Variants in AP3B2 observed in about 807,000 individuals in gnomAD.
AP3B2 encodes adaptor related protein complex 3 subunit beta 2.
Under a neutral mutation model 126.9 loss-of-function variants are expected in AP3B2, and 50 were observed. That is an observed-to-expected ratio of 0.39 (90% CI 0.31 to 0.50). The LOEUF is 0.50. AP3B2 is among the 20% of genes least tolerant of loss of function. The pLI, the probability that AP3B2 is intolerant of heterozygous loss-of-function variation, is 0.79. For missense variants in AP3B2, 1,177 were observed against 1,426.4 expected (o/e 0.83, Z 2.82); for synonymous variants, 541 against 565.0 (o/e 0.96, Z 0.60).
At chr15:82,690,129 TC>T (rs1376521054) in intron 1 of AP3B2, among the ~76,000 whole-genome samples, 2 of 152,120 alleles carry the variant, frequency 1.3e-5, no homozygotes, top group Non-Finnish European at 2.9e-5. Flanking sequence ...CCTATGGGTT[TC>T]AGAGGGAGCA....
intron 1 of AP3B2, among the ~76,000 whole-genome samples, chr15:82,702,212 C>T (rs1390275306): frequency 6.6e-6 from 1 of 152,162 alleles, no homozygotes. Flanking sequence ...TATCCAGCTA[C>T]CTAATAGGGT....
chr15:82,663,477 C>T (rs1395141658), intron 21 of AP3B2, 83 bp downstream of exon 21: 4 of 1,487,560 alleles, frequency 2.7e-6, no homozygotes, highest in Middle Eastern at 3.6e-4. Flanking sequence ...ACCTGAGGAA[C>T]CCGATCCAGA....
intron 4 of AP3B2, among the ~76,000 whole-genome samples, chr15:82,684,467 T>C (rs934836947): frequency 6.6e-6 from 1 of 152,234 alleles, no homozygotes; most frequent in Admixed American, 6.5e-5. Context: ...GACCTGCCTA[T>C]GAATTAGGCT....
At chr15:82,676,315 T>A (rs1187660739) in intron 14 of AP3B2, 146 bp downstream of exon 14, 9 of 779,936 alleles carry the variant, frequency 1.2e-5, no homozygotes, top group Non-Finnish European at 1.8e-5. Flanking sequence ...TAGCATTGGT[T>A]ATGTGGGCAG....
chr15:82,667,965 T>C (rs2048087386), intron 14 of AP3B2, among the ~76,000 whole-genome samples: 1 of 152,142 alleles, frequency 6.6e-6, no homozygotes. Context: ...ACAAGCAGAA[T>C]GCCCAAGGGC....
At position 82,664,101 on chromosome 15, in the gene AP3B2, A is replaced by G; in HGVS notation, c.2262-126T>C. On this transcript the variant is annotated intron_variant, in intron 19 of 26. Coordinates refer to ENST00000535359, the MANE Select transcript of AP3B2 (RefSeq NM_001278512.2). This position sits in a 1 kb window ranked among gnomAD's most constrained non-coding sequence, Gnocchi z 4.5. ...CCTGAGCCAGGAGGGTTCACACCTG[A>G]GGTCCTATAGCAGGGACCCCGTGAG... The G allele has an allele frequency of 7.0e-7, 1 of 1,425,870 alleles. No individual in the cohort carries two copies. The highest frequency in any genetic ancestry group is 2.5e-5 in the East Asian group (1 of 40,140). The allele number at this position is 1,425,870 out of a possible 1,614,324, so 88.3% of individuals were successfully genotyped here.
chr15:82,683,393 A>G (rs1250397216), intron 4 of AP3B2, among the ~76,000 whole-genome samples: 3 of 152,148 alleles, frequency 2.0e-5, no homozygotes, highest in African/African-American at 7.2e-5. Context: ...TTGTTCACTC[A>G]TAAGAAGCAA....
rs200457565 is a variant in AP3B2, at chr15:82,673,558, GA to G, written c.1665+2902del. 6.5e-3 allele frequency among the ~76,000 whole-genome samples: 991 copies of G among 151,328 alleles called. 9 individuals are homozygous for G. Among genetic ancestry groups the G allele is most frequent in the Non-Finnish European group, 0.011 (763 of 67,798 alleles). The stretch of plus-strand genomic sequence containing the variant: ...AAAGTTTAATTGAAATGTGAATGGG[GA>G]AAAAAAAGTATTAAATATGAAAGCA... On this transcript the variant is annotated intron_variant, in intron 14 of 26. Coordinates refer to ENST00000535359, the MANE Select transcript of AP3B2 (RefSeq NM_001278512.2).
chr15:82,709,481 G>A (rs559095818), intron 1 of AP3B2, 113 bp downstream of exon 1: 9,835 of 666,700 alleles, frequency 0.015, 99 homozygotes, highest in Non-Finnish European at 0.016. Context: ...GCTTCCGGTC[G>A]GCGCGGCCGG....
At chr15:82,699,896 G>A (rs1172554838) in intron 1 of AP3B2, 1 of 399,430 alleles carries the variant, frequency 2.5e-6, no homozygotes, top group Admixed American at 4.4e-5. Flanking sequence ...TCCAGGAATG[G>A]ACTGAGCTGG....
rs533225118 is a variant in AP3B2 at position 82,659,593 on chromosome 15, C to T, written c.3273G>A (p.Leu1091=). 9.5e-5 allele frequency: 153 copies of T among 1,613,954 alleles called. 1 individual carries two copies. The South Asian group carries it at 1.5e-3, about 16-fold the overall frequency. ...TCAGAGCCTGTATCACATCCTTTAC[C>T]AGCATGGTGCCAATCACCATTTTCT... is the stretch of plus-strand genomic sequence containing the variant. ...NSEKMVIGTM[L]VKDVIQALTQ is the part of the protein sequence containing the mutation. Residue 1091 remains leucine (L), a synonymous_variant, in exon 27 of 27, where the codon CTG becomes CTA. Transcript: ENST00000535359.
chr15:82,682,348 C>G (rs1035024242), intron 4 of AP3B2, among the ~76,000 whole-genome samples: 32 of 152,046 alleles, frequency 2.1e-4, no homozygotes, highest in African/African-American at 7.5e-4. Context: ...CCACCACGCC[C>G]GGCCCCAAGC....
At position 82,678,189 on chromosome 15, in the gene AP3B2, C is replaced by T. The variant is rs769094485; in HGVS notation, c.1183-22G>A. ...CCAGCTGCAGGGAGGGTTGGAGAGG[C>T]AGAAAATGGGTGGGTTGGCCAGTGG... is the stretch of plus-strand genomic sequence containing the variant. On this transcript the variant is annotated intron_variant, in intron 10 of 26. Coordinates refer to ENST00000535359, the MANE Select transcript of AP3B2 (RefSeq NM_001278512.2). The T allele has an allele frequency of 2.5e-6, 4 of 1,612,778 alleles. No individual in the cohort carries two copies. The African/African-American group carries it at 5.3e-5, about 22-fold the overall frequency.
chr15:82,672,613 TTTGA>T (rs772296054), intron 14 of AP3B2, among the ~76,000 whole-genome samples: 40 of 152,276 alleles, frequency 2.6e-4, no homozygotes, highest in Middle Eastern at 6.8e-3. Flanking sequence ...GAGAGTGTAA[TTTGA>T]TTGTTTGTAA....
chr15:82,681,065 G>T lies in AP3B2; in HGVS notation c.589-46C>A. On this transcript the variant is annotated intron_variant, in intron 6 of 26. Transcript: ENST00000535359. The surrounding 1 kb of genome is among the most constrained non-coding windows in gnomAD (Gnocchi z 4.0). ...AGAGGGTGAACGCGAAGGGTGGAAG[G>T]CCGGCTGCCGGTCACCACCCCTCCC... The T allele has an allele frequency of 6.2e-7, 1 of 1,613,328 alleles. No individual in the cohort carries two copies.
At chr15:82,678,990 T>G (rs1010638968) in intron 10 of AP3B2, among the ~76,000 whole-genome samples, 5 of 152,198 alleles carry the variant, frequency 3.3e-5, no homozygotes, top group African/African-American at 9.6e-5. Flanking sequence ...ACTTTCCTTG[T>G]CCGTGAATGT....
intron 10 of AP3B2, among the ~76,000 whole-genome samples, chr15:82,679,284 T>G (rs1169393726): frequency 6.6e-6 from 1 of 152,116 alleles, no homozygotes; most frequent in Non-Finnish European, 1.5e-5. Flanking sequence ...CCACCACGCC[T>G]GGCTAATTTT....
intron 14 of AP3B2, among the ~76,000 whole-genome samples, chr15:82,675,522 A>G (rs926662353): frequency 6.6e-6 from 1 of 152,190 alleles, no homozygotes; most frequent in African/African-American, 2.4e-5. Context: ...CCCTGCTATA[A>G]ATCTGTAGAC....
At chr15:82,698,401 T>C (rs946807683) in intron 1 of AP3B2, among the ~76,000 whole-genome samples, 2 of 150,862 alleles carry the variant, frequency 1.3e-5, no homozygotes, top group African/African-American at 4.9e-5. Flanking sequence ...ACATATCCCA[T>C]ACATGTCCCC....
Sources: gnomAD v4.1 joint callset for allele counts (sites outside exome capture counted in the v4.1 genomes callset) on GRCh38, gnomAD v4.1.1 for gene constraint, Gnocchi (gnomAD v3.1) non-coding constraint, MANE v1.5 for transcripts, NCBI Gene and HGNC (gene_info 2026-07-23, HGNC 2026-07-21) for gene names.